C12orf50: variants seen among roughly 807,000 people sequenced by gnomAD.
The protein encoded by C12orf50 is zinc finger CCCH-type containing 11D, also known as uncharacterized protein C12orf50.
A neutral mutation model predicts 61.6 loss-of-function variants in C12orf50; 35 were observed. The observed-to-expected ratio is 0.57, with a 90% CI of 0.43 to 0.75. The LOEUF is 0.75. C12orf50 is among the 30% of genes least tolerant of loss of function. The pLI, the probability that C12orf50 is intolerant of heterozygous loss-of-function variation, is 0.00. For synonymous variants in C12orf50, 178 were observed against 161.5 expected (o/e 1.10, Z -0.77); for missense variants, 475 against 488.5 (o/e 0.97, Z 0.26).
At chr12:88,026,869 C>A (rs911085644) in intron 2 of C12orf50, 82 bp downstream of exon 2, 27 of 1,521,230 alleles carry the variant, frequency 1.8e-5, no homozygotes, top group Non-Finnish European at 2.3e-5. Flanking sequence ...TGATTTCTTC[C>A]ATATTGTTTT....
chr12:88,022,942 A>G (rs2032569876), intron 3 of C12orf50, among the ~76,000 whole-genome samples: 1 of 152,218 alleles, frequency 6.6e-6, no homozygotes, highest in Non-Finnish European at 1.5e-5. Flanking sequence ...AAAGAAATTC[A>G]CAGATTCGAA....
At chr12:87,993,353 C>T (rs923243547) in intron 7 of C12orf50, among the ~76,000 whole-genome samples, 1 of 152,122 alleles carries the variant, frequency 6.6e-6, no homozygotes, top group African/African-American at 2.4e-5. Context: ...ATTAGAACTG[C>T]TCGGGTTAAG....
At chr12:88,016,671 A>G (rs988670674) in intron 3 of C12orf50, among the ~76,000 whole-genome samples, 14 of 152,326 alleles carry the variant, frequency 9.2e-5, no homozygotes, top group Non-Finnish European at 2.1e-4. Flanking sequence ...GGATTCCCGG[A>G]GTAGAACTGG....
At position 88,002,782 on chromosome 12, in the gene C12orf50, A is replaced by G. The variant is rs1257219411; in HGVS notation, c.134-4592T>C. ...ATGTTCTGCTGTTTCTCTTTCTTTTACACTGATGAATATTTTCTAGTATAA... is the reference window on the plus strand; with the variant it reads ...ATGTTCTGCTGTTTCTCTTTCTTTTGCACTGATGAATATTTTCTAGTATAA... On this transcript the variant is annotated intron_variant, in intron 3 of 12. Coordinates refer to ENST00000298699, the MANE Select transcript of C12orf50 (RefSeq NM_152589.3). Among the ~76,000 whole-genome samples, 8 of 151,430 alleles carry G rather than the reference A, an allele frequency of 5.3e-5. No homozygotes were observed. In the East Asian group the frequency reaches 1.5e-3, roughly 29 times the overall value.
chr12:88,010,439 AATAAGATT>A (rs1240593447), intron 3 of C12orf50, among the ~76,000 whole-genome samples: 2,338 of 127,384 alleles, frequency 0.018, 100 homozygotes, highest in African/African-American at 0.088. Context: ...ATAATCTTAT[AATAAGATT>A]ATAAGATTAA....
intron 3 of C12orf50, among the ~76,000 whole-genome samples, chr12:88,019,187 AT>A (rs2032422189): frequency 6.7e-6 from 1 of 149,872 alleles, no homozygotes; most frequent in African/African-American, 2.6e-5. Context: ...AGGTAATTGA[AT>A]CATGGGGCAG....
intron 11 of C12orf50, chr12:87,984,374 G>A (rs1358297888): frequency 6.6e-6 from 1 of 152,060 alleles, no homozygotes; most frequent in East Asian, 1.9e-4. Flanking sequence ...CTACAGGAGG[G>A]TATGATATCT....
intron 6 of C12orf50, among the ~76,000 whole-genome samples, chr12:87,996,016 G>C (rs1229659783): frequency 6.6e-6 from 1 of 152,082 alleles, no homozygotes; most frequent in Admixed American, 6.5e-5. Context: ...TCTCTCTTTT[G>C]TTCTTCTTGG....
chr12:87,991,932 G>T (rs922267716), intron 7 of C12orf50, among the ~76,000 whole-genome samples: 1 of 152,168 alleles, frequency 6.6e-6, no homozygotes, highest in African/African-American at 2.4e-5. Context: ...AACGTACGCA[G>T]AGTGGTGAAA....
At chr12:87,999,379 C>T (rs1474220486) in intron 3 of C12orf50, among the ~76,000 whole-genome samples, 1 of 152,106 alleles carries the variant, frequency 6.6e-6, no homozygotes, top group Non-Finnish European at 1.5e-5. Flanking sequence ...TAGCCGAGAT[C>T]ATGCCACTGC....
At chr12:88,016,563 C>G (rs1326905513) in intron 3 of C12orf50, among the ~76,000 whole-genome samples, 1 of 152,170 alleles carries the variant, frequency 6.6e-6, no homozygotes, top group Non-Finnish European at 1.5e-5. Context: ...GTTAGTTTAT[C>G]TACAGTCTGG....
In C12orf50 at chr12:87,990,791, A is replaced by G. The variant is rs185351148; in HGVS notation, c.593-1420T>C. The stretch of plus-strand genomic sequence containing the variant: ...TCTAATTGGTTTGAAATTGAGGGGG[A>G]AATGAAAAAAGAAGAACAACAAAGA... On this transcript the variant is annotated intron_variant, in intron 7 of 12. Coordinates refer to ENST00000298699, the MANE Select transcript of C12orf50 (RefSeq NM_152589.3). Among the ~76,000 whole-genome samples, 1,470 of 152,192 alleles carry G rather than the reference A, an allele frequency of 9.7e-3. 13 individuals carry two copies. Among genetic ancestry groups the G allele is most frequent in the Non-Finnish European group, 0.017 (1,125 of 68,018 alleles).
At chr12:88,023,121 G>A (rs925270547) in intron 3 of C12orf50, among the ~76,000 whole-genome samples, 11 of 151,844 alleles carry the variant, frequency 7.2e-5, no homozygotes, top group Admixed American at 2.0e-4. Context: ...ACAGGTCTAC[G>A]GTAACCAAAA....
intron 2 of C12orf50, 144 bp downstream of exon 2, chr12:88,026,807 A>G: frequency 7.3e-7 from 1 of 1,363,710 alleles, no homozygotes; most frequent in Non-Finnish European, 9.9e-7. Flanking sequence ...ATGTTCCTCC[A>G]TTAAGTTGAA....
chr12:87,998,301 A>T (rs1363895926), intron 3 of C12orf50, 111 bp from the exon 4 acceptor site: 4 of 735,410 alleles, frequency 5.4e-6, no homozygotes, highest in Non-Finnish European at 8.1e-6. Context: ...TAAAATGTGT[A>T]CAATAATAAT....
At chr12:87,994,844 T>A in intron 6 of C12orf50, 101 bp from the exon 7 acceptor site, 1 of 690,750 alleles carries the variant, frequency 1.4e-6, no homozygotes, top group Non-Finnish European at 2.5e-6. Context: ...GCTTTAAAGT[T>A]AATGCAAGTA....
At chr12:88,005,912 G>GTTTTTTTTTTT (rs371924944) in intron 3 of C12orf50, among the ~76,000 whole-genome samples, 1 of 91,032 alleles carries the variant, frequency 1.1e-5, no homozygotes, top group Non-Finnish European at 2.2e-5. Context: ...TGTTTTTTTG[G>GTTTTTTTTTTT]TTTTTTTTTT....
At position 87,987,945 on chromosome 12, in the gene C12orf50, G is replaced by A. The variant is rs1193263394; in HGVS notation, c.722C>T (p.Pro241Leu). 1.2e-6 allele frequency: 2 copies of A among 1,606,140 alleles called. No homozygotes were observed. Among genetic ancestry groups the A allele is most frequent in the South Asian group, 1.1e-5 (1 of 90,532 alleles). Residue 241 changes from proline (P) to leucine (L), a missense_variant, in exon 9 of 13, where the codon CCA becomes CTA. Physicochemically the swap from Pro to Leu is moderately conservative, Grantham distance 98. Transcript: ENST00000298699. ...TAGTCGGGTAGTTAGGGAATGCTTTGGATGAGGACTGTCCTTGTTATCTTT... is the reference window on the plus strand; with the variant it reads ...TAGTCGGGTAGTTAGGGAATGCTTTAGATGAGGACTGTCCTTGTTATCTTT... ...NTKDNKDSPHPKHSLTTRLVP... is the reference protein window; with the variant it reads ...NTKDNKDSPHLKHSLTTRLVP...
intron 1 of C12orf50, 73 bp from the exon 2 acceptor site, chr12:88,027,143 T>G (rs2032738045): frequency 1.4e-6 from 2 of 1,419,332 alleles, no homozygotes; most frequent in South Asian, 2.8e-5. Flanking sequence ...AGGTTGCTAA[T>G]TAGTTAAACG....
Sources: gnomAD v4.1 joint callset for allele counts (sites outside exome capture counted in the v4.1 genomes callset) on GRCh38, gnomAD v4.1.1 for gene constraint, MANE v1.5 for transcripts, NCBI Gene and HGNC (gene_info 2026-07-23, HGNC 2026-07-21) for gene names.